TDRD3: variants seen among roughly 807,000 people sequenced by gnomAD.
The protein encoded by TDRD3 is tudor domain containing 3, also known as tudor domain-containing protein 3.
A neutral mutation model predicts 86.7 loss-of-function variants in TDRD3; 45 were observed. That is an observed-to-expected ratio of 0.52 (90% CI 0.41 to 0.67). The LOEUF is 0.67. TDRD3 is among the 30% of genes least tolerant of loss of function. The pLI, the probability that TDRD3 is intolerant of heterozygous loss-of-function variation, is 0.00. For missense variants in TDRD3, 814 were observed against 889.0 expected, an observed-to-expected ratio of 0.92 and a Z score of 1.07; for synonymous variants, 298 against 301.7, an observed-to-expected ratio of 0.99 and a Z score of 0.13.
intron 12 of TDRD3, among the ~76,000 whole-genome samples, chr13:60,551,926 G>A (rs749618635): frequency 9.2e-5 from 14 of 152,142 alleles, no homozygotes; most frequent in Non-Finnish European, 1.9e-4. Flanking sequence ...GGGGGAAACT[G>A]TCCCCATGAT....
At position 60,483,864 on chromosome 13, in the gene TDRD3, G is replaced by C. The variant is rs1956371677; in HGVS notation, c.567+18G>C. ...TTGGACAGGTAATGACTTTTGTGTT[G>C]GCAGATGAATTTAAATTAGGAAAAA... On this transcript the variant is annotated intron_variant, in intron 6 of 13. Coordinates refer to ENST00000377881, the MANE Select transcript of TDRD3 (RefSeq NM_001146070.2). 1 of 1,609,160 alleles carries C rather than the reference G, an allele frequency of 6.2e-7. No individual in the cohort carries two copies.
intron 8 of TDRD3, among the ~76,000 whole-genome samples, chr13:60,502,032 A>G (rs1467819987): frequency 1.3e-5 from 2 of 152,232 alleles, no homozygotes; most frequent in Admixed American, 6.5e-5. Flanking sequence ...TAGAGTGAGT[A>G]TAGCAGTTCC....
chr13:60,539,838 G>A (rs1479238947), intron 12 of TDRD3, among the ~76,000 whole-genome samples: 1 of 151,934 alleles, frequency 6.6e-6, no homozygotes, highest in Admixed American at 6.6e-5. Flanking sequence ...ATATAATCAT[G>A]AGTTTAAAAT....
chr13:60,406,204 A>G (rs1467284101), intron 1 of TDRD3, among the ~76,000 whole-genome samples: 2 of 152,178 alleles, frequency 1.3e-5, no homozygotes, highest in African/African-American at 2.4e-5. Flanking sequence ...TCATTCCAGT[A>G]TAGGTGGTGA....
chr13:60,465,299 A>T (rs938279703), intron 4 of TDRD3, among the ~76,000 whole-genome samples: 2 of 152,134 alleles, frequency 1.3e-5, no homozygotes, highest in Non-Finnish European at 2.9e-5. Flanking sequence ...ATCCTTGTAC[A>T]ATGACTGTCA....
At chr13:60,544,405 C>A (rs1187313047) in intron 12 of TDRD3, among the ~76,000 whole-genome samples, 1 of 145,776 alleles carries the variant, frequency 6.9e-6, no homozygotes, top group Non-Finnish European at 1.5e-5. Context: ...GACTGTACTA[C>A]ACTCCAGCCT....
intron 5 of TDRD3, among the ~76,000 whole-genome samples, chr13:60,469,739 A>G (rs914723348): frequency 2.0e-5 from 3 of 152,194 alleles, no homozygotes; most frequent in Non-Finnish European, 2.9e-5. Context: ...GGAAGTGAAG[A>G]AGCACTAAGC....
intron 1 of TDRD3, among the ~76,000 whole-genome samples, chr13:60,430,214 T>G (rs952300946): frequency 6.6e-6 from 1 of 152,188 alleles, no homozygotes; most frequent in East Asian, 1.9e-4. Flanking sequence ...TTGTAATACC[T>G]TACATTTATA....
At chr13:60,522,564 A>T (rs1685629576) in intron 10 of TDRD3, among the ~76,000 whole-genome samples, 2 of 152,198 alleles carry the variant, frequency 1.3e-5, no homozygotes, top group Admixed American at 6.5e-5. Flanking sequence ...CAGAAAAGTT[A>T]AATATTTCAC....
At chr13:60,518,988 G>C (rs976635457) in intron 10 of TDRD3, among the ~76,000 whole-genome samples, 1 of 152,122 alleles carries the variant, frequency 6.6e-6, no homozygotes. Flanking sequence ...AACTGAAGAA[G>C]TTTCCTCTGT....
intron 10 of TDRD3, among the ~76,000 whole-genome samples, chr13:60,512,609 A>G (rs761844955): frequency 1.1e-4 from 17 of 152,186 alleles, no homozygotes; most frequent in Admixed American, 2.6e-4. Flanking sequence ...GCCATTCCAA[A>G]TGGGAGAAAT....
intron 8 of TDRD3, among the ~76,000 whole-genome samples, chr13:60,496,285 TCCCA>T (rs1956710510): frequency 1.2e-5 from 1 of 85,012 alleles, no homozygotes; most frequent in East Asian, 4.2e-4. Flanking sequence ...CTTAACAAAC[TCCCA>T]TATATATATA....
chr13:60,554,040 C>T (rs1240215088), intron 12 of TDRD3, among the ~76,000 whole-genome samples: 1 of 152,114 alleles, frequency 6.6e-6, no homozygotes, highest in African/African-American at 2.4e-5. Context: ...TTTATGAAAA[C>T]CATTTTCCTT....
At chr13:60,483,472 G>A (rs1053721977) in intron 5 of TDRD3, among the ~76,000 whole-genome samples, 3 of 152,072 alleles carry the variant, frequency 2.0e-5, no homozygotes, top group Non-Finnish European at 2.9e-5. Flanking sequence ...ACCAAAGTTT[G>A]ATATTTTTGA....
At chr13:60,533,203 G>A (rs1488071651) in intron 11 of TDRD3, among the ~76,000 whole-genome samples, 3 of 152,142 alleles carry the variant, frequency 2.0e-5, no homozygotes, top group Non-Finnish European at 2.9e-5. Context: ...AGGAAACACC[G>A]TGGATTCACT....
At chr13:60,507,213 C>T (rs1956957880) in intron 8 of TDRD3, among the ~76,000 whole-genome samples, 2 of 152,072 alleles carry the variant, frequency 1.3e-5, no homozygotes, top group South Asian at 2.1e-4. Flanking sequence ...TTCTTAGAGA[C>T]CTACAAAGAG....
At chr13:60,411,899 C>T (rs1377056296) in intron 1 of TDRD3, among the ~76,000 whole-genome samples, 2 of 152,170 alleles carry the variant, frequency 1.3e-5, no homozygotes, top group Non-Finnish European at 2.9e-5. Flanking sequence ...AGGGTATTGT[C>T]ATTGTCTTCA....
At chr13:60,445,862 C>T (rs1156387165) in intron 3 of TDRD3, among the ~76,000 whole-genome samples, 1 of 151,980 alleles carries the variant, frequency 6.6e-6, no homozygotes, top group Non-Finnish European at 1.5e-5. Flanking sequence ...TCTGTGTGTC[C>T]TAAAAAGATG....
intron 12 of TDRD3, among the ~76,000 whole-genome samples, chr13:60,552,606 C>T (rs933163080): frequency 7.9e-5 from 12 of 152,226 alleles, no homozygotes; most frequent in African/African-American, 2.9e-4. Context: ...CCAGTGGGGA[C>T]TCTGTATGTG....
Sources: gnomAD v4.1 joint callset for allele counts (sites outside exome capture counted in the v4.1 genomes callset) on GRCh38, gnomAD v4.1.1 for gene constraint, MANE v1.5 for transcripts, NCBI Gene and HGNC (gene_info 2026-07-23, HGNC 2026-07-21) for gene names.